The following LRRC4B variants were observed in gnomAD, a reference collection of about 807,000 sequenced individuals.
LRRC4B encodes the protein leucine rich repeat containing 4B, also known as leucine-rich repeat-containing protein 4B.
Under a neutral mutation model 7.3 loss-of-function variants are expected in LRRC4B, and 1 was observed. The observed-to-expected ratio is 0.14, with a 90% CI of 0.05 to 0.65. The LOEUF is 0.65. LRRC4B is among the 30% of genes least tolerant of loss of function. LRRC4B has a pLI of 0.84. For missense variants in LRRC4B, 730 were observed against 1,041.6 expected (o/e 0.70, Z 4.12); for synonymous variants, 500 against 499.2 (o/e 1.00, Z -0.02).
At chr19:50,534,023 T>C (rs1399104223) in intron 2 of LRRC4B, among the ~76,000 whole-genome samples, 2 of 152,188 alleles carry the variant, frequency 1.3e-5, no homozygotes, top group Non-Finnish European at 2.9e-5. Context: ...GGCCCATTCA[T>C]TCTTACATTA....
intron 2 of LRRC4B, among the ~76,000 whole-genome samples, chr19:50,542,564 C>T (rs1463927446): frequency 6.6e-6 from 1 of 151,154 alleles, no homozygotes; most frequent in Non-Finnish European, 1.5e-5. Context: ...GCAGACTCCA[C>T]CTCCTGGGTT....
chr19:50,565,069 C>G (rs147086841), intron 1 of LRRC4B, among the ~76,000 whole-genome samples: 1 of 152,136 alleles, frequency 6.6e-6, no homozygotes, highest in Non-Finnish European at 1.5e-5. Context: ...AGCCCCGTGG[C>G]GAGAGGAACA....
intron 1 of LRRC4B, among the ~76,000 whole-genome samples, chr19:50,549,837 C>T (rs1409070519): frequency 1.3e-5 from 2 of 151,994 alleles, no homozygotes; most frequent in East Asian, 1.9e-4. Context: ...CAGCTGCTGC[C>T]GCAGGACCGA....
Position 50,517,493 on chromosome 19 carries a change from G to A in LRRC4B, c.*78C>T. ...AAGGTGGGCTGGGCTGTGGGAGGGA[G>A]GGGTCCCGGTCAGGCTGCGCCCGGG... On this transcript the variant is annotated 3_prime_UTR_variant, in exon 3 of 3. Transcript: ENST00000652263. The surrounding 1 kb of genome is among the most constrained non-coding windows in gnomAD (Gnocchi z 6.6). The A allele has an allele frequency of 1.6e-6, 2 of 1,260,588 alleles. No individual in the cohort carries two copies. The highest frequency in any genetic ancestry group is 2.0e-6 in the Non-Finnish European group (2 of 976,888). 78.1% of individuals were successfully genotyped at this position (1,260,588 alleles called of 1,614,324 possible). A position where few individuals can be genotyped will look rare whatever the true frequency, so the allele number is the denominator to read the frequency against.
In LRRC4B at chr19:50,519,656, C is replaced by G. The variant is rs1020211614; in HGVS notation, c.298-241G>C. On this transcript the variant is annotated intron_variant, in intron 2 of 2. Coordinates refer to ENST00000652263, the MANE Select transcript of LRRC4B (RefSeq NM_001080457.2). This position sits in a 1 kb window ranked among gnomAD's most constrained non-coding sequence, Gnocchi z 8.1. The stretch of plus-strand genomic sequence containing the variant: ...CTTTGGGAGGCCGAGGCAGGTGGAT[C>G]ACTTGAGGTCAGGAGTTTGAGACCA... Among the ~76,000 whole-genome samples, 5 of 152,084 alleles carry G rather than the reference C, an allele frequency of 3.3e-5. No individual in the cohort carries two copies. Among genetic ancestry groups the G allele is most frequent in the Non-Finnish European group, 7.4e-5 (5 of 68,022 alleles).
chr19:50,530,584 G>A (rs2122818876), intron 2 of LRRC4B, among the ~76,000 whole-genome samples: 1 of 152,230 alleles, frequency 6.6e-6, no homozygotes, highest in East Asian at 1.9e-4. Context: ...GGTGGAGAGG[G>A]GCCGTTGTCT....
Position 50,524,029 on chromosome 19 carries a change from T to C in LRRC4B, c.298-4614A>G, listed in dbSNP as rs368614952. On this transcript the variant is annotated intron_variant, in intron 2 of 2. Transcript: ENST00000652263. ...AGTGAACTTTATCTGTTGGGAATTA[T>C]GGACAATTTTTATTCTTGTGTGATA... is the stretch of plus-strand genomic sequence containing the variant. 9.9e-5 allele frequency among the ~76,000 whole-genome samples: 15 copies of C among 152,082 alleles called. No homozygotes were observed. In the East Asian group the frequency reaches 2.5e-3, roughly 25 times the overall value.
At position 50,519,434 on chromosome 19, in the gene LRRC4B, G is replaced by A. The variant is rs769979100; in HGVS notation, c.298-19C>T. On this transcript the variant is annotated intron_variant, in intron 2 of 2. Transcript: ENST00000652263. This position sits in a 1 kb window ranked among gnomAD's most constrained non-coding sequence, Gnocchi z 8.1. ...GGATCACCTGGGGAGAGGGAGACAC[G>A]GATCAGTCACGGAGATACTGACGGG... 4 of 1,558,896 alleles carry A rather than the reference G, an allele frequency of 2.6e-6. No individual in the cohort carries two copies. Among genetic ancestry groups the A allele is most frequent in the South Asian group, 2.3e-5 (2 of 85,286 alleles).
chr19:50,526,525 G>C (rs1980813443), intron 2 of LRRC4B, among the ~76,000 whole-genome samples: 1 of 152,110 alleles, frequency 6.6e-6, no homozygotes, highest in African/African-American at 2.4e-5. Flanking sequence ...GCGCAATGAA[G>C]GACTCCACCG....
intron 2 of LRRC4B, among the ~76,000 whole-genome samples, chr19:50,522,154 C>T (rs997654482): frequency 6.6e-5 from 10 of 152,066 alleles, no homozygotes; most frequent in African/African-American, 1.9e-4. Flanking sequence ...CTCCAGCCTG[C>T]GTGACAGAGG....
intron 1 of LRRC4B, among the ~76,000 whole-genome samples, chr19:50,564,884 C>G (rs529046630): frequency 1.2e-4 from 19 of 152,126 alleles, no homozygotes; most frequent in African/African-American, 3.9e-4. Flanking sequence ...CACCCCCGCC[C>G]CCAATCCCCA....
intron 2 of LRRC4B, among the ~76,000 whole-genome samples, chr19:50,544,846 G>A (rs1981729331): frequency 6.6e-6 from 1 of 152,096 alleles, no homozygotes; most frequent in South Asian, 2.1e-4. Flanking sequence ...CTTGGGTCCA[G>A]GAGTTCAAGA....
chr19:50,529,361 C>A (rs1980953618), intron 2 of LRRC4B, among the ~76,000 whole-genome samples: 1 of 152,182 alleles, frequency 6.6e-6, no homozygotes, highest in African/African-American at 2.4e-5. Context: ...CGCAGCTTAT[C>A]ACCTCCCTGG....
At chr19:50,531,719 G>C (rs149732148) in intron 2 of LRRC4B, among the ~76,000 whole-genome samples, 102 of 152,258 alleles carry the variant, frequency 6.7e-4, no homozygotes, top group Middle Eastern at 3.4e-3. Flanking sequence ...TTTGAATCCT[G>C]GCTTTGCTGC....
chr19:50,523,991 A>G (rs1040203299), intron 2 of LRRC4B, among the ~76,000 whole-genome samples: 3 of 152,048 alleles, frequency 2.0e-5, no homozygotes, highest in Non-Finnish European at 4.4e-5. Context: ...ACATACTCCA[A>G]GCTTTTCTTA....
chr19:50,517,665 C>G lies in LRRC4B; in HGVS notation c.2048G>C (p.Cys683Ser). The change falls in exon 3 of 3, where the codon TGC becomes TCC. Residue 683 changes from cysteine to serine, a missense_variant. Cys to Ser is a moderately radical substitution (Grantham distance 112). This residue lies in a region of LRRC4B where 160 missense variants were observed against 163.9 expected (regional missense o/e 0.98). Coordinates refer to ENST00000652263, the MANE Select transcript of LRRC4B (RefSeq NM_001080457.2). This position sits in a 1 kb window ranked among gnomAD's most constrained non-coding sequence, Gnocchi z 6.6. ...HYSSNPSGGG[C>S]GGKGPPGLNS... Reference sequence around the variant, plus strand: ...GAGGCCAGGCGGGCCTTTGCCCCCGCAGCCCCCGCCGCTGGGGTTGCTGCT... The same window carrying G: ...GAGGCCAGGCGGGCCTTTGCCCCCGGAGCCCCCGCCGCTGGGGTTGCTGCT... 1 of 1,519,436 alleles carries G rather than the reference C, an allele frequency of 6.6e-7. No individual in the cohort carries two copies. Among genetic ancestry groups the G allele is most frequent in the Non-Finnish European group, 8.8e-7 (1 of 1,137,204 alleles). 94.1% of individuals were successfully genotyped at this position (1,519,436 alleles called of 1,614,324 possible). A position where few individuals can be genotyped will look rare whatever the true frequency, so the allele number is the denominator to read the frequency against.
rs750908474 is a variant in LRRC4B at position 50,519,668 on chromosome 19, G to A, written c.298-253C>T. ...GAGGCAGGTGGATCACTTGAGGTCA[G>A]GAGTTTGAGACCAGCCTGGACAACA... On this transcript the variant is annotated intron_variant, in intron 2 of 2. Coordinates refer to ENST00000652263, the MANE Select transcript of LRRC4B (RefSeq NM_001080457.2). This position sits in a 1 kb window ranked among gnomAD's most constrained non-coding sequence, Gnocchi z 8.1. Among the ~76,000 whole-genome samples, 6 of 152,184 alleles carry A rather than the reference G, an allele frequency of 3.9e-5. No individual in the cohort carries two copies. Among genetic ancestry groups the A allele is most frequent in the Non-Finnish European group, 7.4e-5 (5 of 68,024 alleles).
chr19:50,525,318 C>A, intron 2 of LRRC4B, among the ~76,000 whole-genome samples: 1 of 152,034 alleles, frequency 6.6e-6, no homozygotes, highest in East Asian at 1.9e-4. Context: ...TTATCGTTAT[C>A]GTTGGCGTTG....
rs1159885359 is a variant in LRRC4B, at chr19:50,524,268, CAG to C, written c.298-4855_298-4854del. On this transcript the variant is annotated intron_variant, in intron 2 of 2. Transcript: ENST00000652263. ...TTTGTTTGGTTGTTTTGTTTTAAGACAGAGTCTTGCTGTGTCACCCAGGCTGG... is the reference window on the plus strand; with the variant it reads ...TTTGTTTGGTTGTTTTGTTTTAAGACAGTCTTGCTGTGTCACCCAGGCTGG... Among the ~76,000 whole-genome samples, 3 of 152,120 alleles carry C rather than the reference CAG, an allele frequency of 2.0e-5. No homozygotes were observed. The South Asian group carries it at 6.2e-4, about 32-fold the overall frequency.
Sources: allele counts gnomAD v4.1 joint callset (sites outside exome capture counted in the v4.1 genomes callset), GRCh38; gene constraint gnomAD v4.1.1; regional missense constraint gnomAD v4.1.1; non-coding constraint Gnocchi (gnomAD v3.1); transcripts MANE v1.5; gene names NCBI Gene and HGNC (gene_info 2026-07-23, HGNC 2026-07-21).